SMIM41: variants seen among roughly 807,000 people sequenced by gnomAD.
SMIM41 encodes small integral membrane protein 41.
At chr12:52,102,504 A>T (rs1940237210) in intron 2 of SMIM41, among the ~76,000 whole-genome samples, 1 of 152,242 alleles carries the variant, frequency 6.6e-6, no homozygotes, top group Non-Finnish European at 1.5e-5. Flanking sequence ...GATATCCATC[A>T]TATATAAAGA....
chr12:52,105,890 G>A (rs1199843077), intron 2 of SMIM41, among the ~76,000 whole-genome samples: 1 of 152,182 alleles, frequency 6.6e-6, no homozygotes, highest in African/African-American at 2.4e-5. Context: ...GTATGGCAAG[G>A]GGTGAGATGT....
Position 52,107,400 on chromosome 12 carries a change from G to T in SMIM41, c.*217G>T. 1.8e-6 allele frequency: 1 copy of T among 560,826 alleles called. No homozygotes were observed. Among genetic ancestry groups the T allele is most frequent in the East Asian group, 4.7e-5 (1 of 21,462 alleles). 34.7% of individuals were successfully genotyped at this position (560,826 alleles called of 1,614,324 possible). On this transcript the variant is annotated 3_prime_UTR_variant, in exon 3 of 3. Coordinates refer to ENST00000546390, the MANE Select transcript of SMIM41 (RefSeq NM_001369216.1). ...CTAGAACCTCAGAGGATCCAGAACG[G>T]CAGCTGGTCCTTGCTGGACTGTTCC...
rs376348904 is a variant in SMIM41, at chr12:52,094,341, G to A, written c.*195+10373G>A. ...CTCCCGAGTAGCTGGGACTACAGGC[G>A]TGTGCCACCATGGCCAGCTAATTTT... On this transcript the variant is annotated intron_variant, in intron 2 of 2. Coordinates refer to ENST00000546390, the MANE Select transcript of SMIM41 (RefSeq NM_001369216.1). 1.8e-4 allele frequency among the ~76,000 whole-genome samples: 28 copies of A among 151,716 alleles called. 1 individual carries two copies. In the South Asian group the frequency reaches 5.8e-3, roughly 32 times the overall value.
At position 52,081,463 on chromosome 12, in the gene SMIM41, G is replaced by A. The variant is rs888293612; in HGVS notation, c.*120+1282G>A. On this transcript the variant is annotated intron_variant, in intron 1 of 2. Transcript: ENST00000546390. The surrounding 1 kb of genome is among the most constrained non-coding windows in gnomAD (Gnocchi z 4.1). The stretch of plus-strand genomic sequence containing the variant: ...GGATTTGGCACTAATCCTGGGCAGC[G>A]GCACCACACTGGCCTTGCTGAGCCA... Among the ~76,000 whole-genome samples the A allele has an allele frequency of 4.6e-5, 7 of 152,108 alleles. No individual in the cohort carries two copies. Among genetic ancestry groups the A allele is most frequent in the African/African-American group, 1.2e-4 (5 of 41,406 alleles).
chr12:52,100,086 C>G (rs1401932660), intron 2 of SMIM41, among the ~76,000 whole-genome samples: 1 of 67,972 alleles, frequency 1.5e-5, no homozygotes, highest in Non-Finnish European at 3.4e-5. Flanking sequence ...TGATCCTCTC[C>G]CCCCCCGGAT....
rs1592320172 is a variant in SMIM41, at chr12:52,080,114, C to A, written c.*53C>A. The A allele has an allele frequency of 2.9e-6, 1 of 349,404 alleles. No individual in the cohort carries two copies. Among genetic ancestry groups the A allele is most frequent in the Non-Finnish European group, 5.2e-6 (1 of 194,174 alleles). 21.6% of individuals were successfully genotyped at this position (349,404 alleles called of 1,614,324 possible). ...CCTCCAGGCAGCCCCTGACTCCGAGCGGTCCGGAGCATGCCCGACGGCTGC... is the reference window on the plus strand; with the variant it reads ...CCTCCAGGCAGCCCCTGACTCCGAGAGGTCCGGAGCATGCCCGACGGCTGC... On this transcript the variant is annotated 3_prime_UTR_variant, in exon 1 of 3. Coordinates refer to ENST00000546390, the MANE Select transcript of SMIM41 (RefSeq NM_001369216.1).
intron 2 of SMIM41, among the ~76,000 whole-genome samples, chr12:52,088,467 G>A (rs374202204): frequency 2.0e-5 from 3 of 152,164 alleles, no homozygotes; most frequent in Non-Finnish European, 4.4e-5. Flanking sequence ...ACTGTGGAAG[G>A]TGCCAGAGCA....
chr12:52,095,240 G>A (rs1297861603), intron 2 of SMIM41, among the ~76,000 whole-genome samples: 1 of 151,952 alleles, frequency 6.6e-6, no homozygotes, highest in Non-Finnish European at 1.5e-5. Flanking sequence ...CATCGCAGGG[G>A]GTCGGGCGCC....
intron 2 of SMIM41, among the ~76,000 whole-genome samples, chr12:52,085,309 A>C (rs980651322): frequency 6.6e-6 from 1 of 152,096 alleles, no homozygotes; most frequent in African/African-American, 2.4e-5. Context: ...AGGACTCTGG[A>C]ATCACATGGT....
At chr12:52,101,543 A>G (rs1442480090) in intron 2 of SMIM41, among the ~76,000 whole-genome samples, 3 of 152,200 alleles carry the variant, frequency 2.0e-5, no homozygotes, top group African/African-American at 7.2e-5. Flanking sequence ...GTCCCAAAAT[A>G]CAGAAAGATG....
intron 2 of SMIM41, among the ~76,000 whole-genome samples, chr12:52,095,382 TC>T (rs1355782340): frequency 1.3e-5 from 2 of 151,880 alleles, no homozygotes; most frequent in East Asian, 3.9e-4. Context: ...GATATTATGA[TC>T]CACGGTGGTC....
chr12:52,095,171 C>T (rs1490693688), intron 2 of SMIM41, among the ~76,000 whole-genome samples: 3 of 151,924 alleles, frequency 2.0e-5, no homozygotes, highest in Non-Finnish European at 2.9e-5. Flanking sequence ...TGTTCTTGAA[C>T]TCCTGGGCTC....
intron 1 of SMIM41, chr12:52,082,224 A>C (rs747358305): frequency 6.6e-6 from 1 of 152,380 alleles, no homozygotes; most frequent in Non-Finnish European, 1.5e-5. Flanking sequence ...CCGAAGGCTG[A>C]TGACCTTCCG....
intron 2 of SMIM41, among the ~76,000 whole-genome samples, chr12:52,096,317 G>A (rs1940093107): frequency 1.3e-5 from 2 of 152,036 alleles, no homozygotes; most frequent in South Asian, 4.2e-4. Context: ...TATATTGGGA[G>A]TAACGTCATA....
intron 2 of SMIM41, among the ~76,000 whole-genome samples, chr12:52,091,434 T>G (rs921441851): frequency 6.6e-6 from 1 of 152,216 alleles, no homozygotes; most frequent in African/African-American, 2.4e-5. Flanking sequence ...TGAACTCTCC[T>G]CTTTTCATGA....
intron 2 of SMIM41, among the ~76,000 whole-genome samples, chr12:52,086,763 T>A (rs1222441456): frequency 6.6e-6 from 1 of 152,248 alleles, no homozygotes; most frequent in East Asian, 1.9e-4. Context: ...TCCCTTGACC[T>A]CTTTTACCTC....
At chr12:52,080,932 G>A (rs1939809672) in intron 1 of SMIM41, among the ~76,000 whole-genome samples, 1 of 152,114 alleles carries the variant, frequency 6.6e-6, no homozygotes. Flanking sequence ...GCTTTGTGTG[G>A]TGTGTGTTGG....
chr12:52,084,390 A>AAAAAAAACAAAC (rs1939863557), intron 2 of SMIM41, among the ~76,000 whole-genome samples: 3 of 914 alleles, frequency 3.3e-3, no homozygotes, highest in Admixed American at 0.027. Flanking sequence ...AAAAACAAAC[A>AAAAAAAACAAAC]AAAAAAAACA....
At chr12:52,093,635 G>A (rs573474337) in intron 2 of SMIM41, 1 of 152,270 alleles carries the variant, frequency 6.6e-6, no homozygotes, top group South Asian at 2.1e-4. Context: ...GACTGGTAAT[G>A]TTTTACTAAA....
Sources: gnomAD v4.1 joint callset for allele counts (sites outside exome capture counted in the v4.1 genomes callset) on GRCh38, gnomAD v4.1.1 for gene constraint, Gnocchi (gnomAD v3.1) non-coding constraint, MANE v1.5 for transcripts, NCBI Gene and HGNC (gene_info 2026-07-23, HGNC 2026-07-21) for gene names.